MCU: variants seen among roughly 807,000 people sequenced by gnomAD.
MCU encodes the protein mitochondrial calcium uniporter.
MCU carries 12 observed loss-of-function variants against 45.2 expected under a neutral mutation model. The observed-to-expected ratio is 0.27, with a 90% confidence interval of 0.17 to 0.43. The LOEUF is 0.43. Ranked by LOEUF, MCU falls within the 20% of genes least tolerant of loss-of-function variation. The pLI is 1.00. For synonymous variants in MCU, 160 were observed against 165.1 expected, an observed-to-expected ratio of 0.97 and a Z score of 0.24; for missense variants, 324 against 436.7, an observed-to-expected ratio of 0.74 and a Z score of 2.30.
intron 1 of MCU, among the ~76,000 whole-genome samples, chr10:72,697,039 T>G (rs1044469566): frequency 3.3e-5 from 5 of 152,208 alleles, no homozygotes; most frequent in Admixed American, 2.0e-4. Flanking sequence ...TTGAATCAGA[T>G]TCCACATTTG....
At chr10:72,857,826 A>T (rs1479785362) in intron 2 of MCU, among the ~76,000 whole-genome samples, 1 of 152,242 alleles carries the variant, frequency 6.6e-6, no homozygotes, top group African/African-American at 2.4e-5. Flanking sequence ...GGAAATAGGC[A>T]TTCTATGCTA....
chr10:72,874,555 A>G (rs978787565), intron 6 of MCU, among the ~76,000 whole-genome samples: 4 of 152,208 alleles, frequency 2.6e-5, no homozygotes, highest in African/African-American at 9.6e-5. Flanking sequence ...AAATGATAGC[A>G]CAAGAATGTT....
At chr10:72,883,311 A>G (rs1358015784) in intron 6 of MCU, among the ~76,000 whole-genome samples, 1 of 152,212 alleles carries the variant, frequency 6.6e-6, no homozygotes, top group Non-Finnish European at 1.5e-5. Context: ...ATGATTGTAC[A>G]ACTCTGTGAC....
At chr10:72,784,019 C>T (rs1366903082) in intron 1 of MCU, among the ~76,000 whole-genome samples, 7 of 152,156 alleles carry the variant, frequency 4.6e-5, no homozygotes, top group Admixed American at 4.6e-4. Context: ...TTTGGCTGTT[C>T]CACGTAATTA....
chr10:72,860,375 C>A, intron 3 of MCU, 48 bp from the exon 4 acceptor site: 1 of 1,468,014 alleles, frequency 6.8e-7, no homozygotes, highest in Middle Eastern at 1.8e-4. Context: ...CCTGACCATT[C>A]TTGAATAATT....
chr10:72,747,831 A>C (rs1289038313), intron 1 of MCU, among the ~76,000 whole-genome samples: 1 of 152,136 alleles, frequency 6.6e-6, no homozygotes, highest in African/African-American at 2.4e-5. Flanking sequence ...TCTCAGAAAA[A>C]AACAAAACCA....
At chr10:72,701,469 T>C (rs924596986) in intron 1 of MCU, among the ~76,000 whole-genome samples, 4 of 152,160 alleles carry the variant, frequency 2.6e-5, no homozygotes, top group Non-Finnish European at 2.9e-5. Context: ...TAGCATGTTC[T>C]TCCTCAAGTA....
Position 72,788,200 on chromosome 10 carries a change from A to AT in MCU, c.151-46158dup, listed in dbSNP as rs112858075. Among the ~76,000 whole-genome samples, 1,117 of 152,380 alleles carry AT rather than the reference A, an allele frequency of 7.3e-3. 14 individuals carry two copies. The highest frequency in any genetic ancestry group is 0.026 in the African/African-American group (1,073 of 41,590). ...CAATAGGTATAGAGTCCTTATCCAA[A>AT]TAAGTAGCTGCTGACTATGAGTATA... On this transcript the variant is annotated intron_variant, in intron 1 of 7. Transcript: ENST00000373053.
In MCU at chr10:72,867,210, A is replaced by G. The variant is rs534591234; in HGVS notation, c.497-1493A>G. 3.3e-4 allele frequency among the ~76,000 whole-genome samples: 50 copies of G among 152,094 alleles called. No homozygotes were observed. In the South Asian group the frequency reaches 9.6e-3, roughly 29 times the overall value. ...TAAAGAATGTTTGAAATATGTGGTT[A>G]ATTCTGACTGTGGCTTGTTTTGTTT... On this transcript the variant is annotated intron_variant, in intron 4 of 7. Transcript: ENST00000373053.
intron 1 of MCU, among the ~76,000 whole-genome samples, chr10:72,719,422 G>C (rs1272735144): frequency 3.3e-5 from 5 of 152,150 alleles, no homozygotes; most frequent in Non-Finnish European, 7.4e-5. Context: ...GGTCTGTTTT[G>C]ATTCACCAAG....
At chr10:72,697,788 G>T (rs892496487) in intron 1 of MCU, among the ~76,000 whole-genome samples, 14 of 151,890 alleles carry the variant, frequency 9.2e-5, no homozygotes, top group African/African-American at 3.1e-4. Context: ...ATTGTTTTGA[G>T]AGACAGTCTT....
intron 1 of MCU, among the ~76,000 whole-genome samples, chr10:72,703,890 AAACAAC>A (rs143749981): frequency 4.8e-4 from 72 of 150,838 alleles, no homozygotes; most frequent in South Asian, 2.3e-3. Context: ...CTCTGTCTCA[AAACAAC>A]AACAACAACA....
chr10:72,796,007 A>G (rs1844238732), intron 1 of MCU, among the ~76,000 whole-genome samples: 1 of 152,146 alleles, frequency 6.6e-6, no homozygotes, highest in Non-Finnish European at 1.5e-5. Context: ...CAATGAAAAA[A>G]AAAATATGCC....
intron 1 of MCU, among the ~76,000 whole-genome samples, chr10:72,724,869 T>G (rs1041925671): frequency 3.3e-5 from 5 of 152,228 alleles, no homozygotes; most frequent in African/African-American, 1.2e-4. Context: ...CCCAGTTCAT[T>G]GCACAAAATA....
intron 2 of MCU, among the ~76,000 whole-genome samples, chr10:72,846,675 A>T (rs7087593): frequency 0.041 from 6,231 of 152,220 alleles, 416 homozygotes; most frequent in African/African-American, 0.14. Flanking sequence ...AATTAAACTT[A>T]AAAAAATTTT....
At chr10:72,883,687 C>G (rs1170393249) in intron 6 of MCU, among the ~76,000 whole-genome samples, 1 of 152,078 alleles carries the variant, frequency 6.6e-6, no homozygotes, top group Non-Finnish European at 1.5e-5. Context: ...AAAAGCTTAT[C>G]AATAGTAGAA....
At chr10:72,754,520 G>A (rs1843546979) in intron 1 of MCU, among the ~76,000 whole-genome samples, 1 of 152,158 alleles carries the variant, frequency 6.6e-6, no homozygotes, top group African/African-American at 2.4e-5. Flanking sequence ...GGAGGCTAAG[G>A]CAGGGGGATT....
At chr10:72,860,682 C>T (rs781614645) in intron 4 of MCU, among the ~76,000 whole-genome samples, 155 bp downstream of exon 4, 3 of 152,110 alleles carry the variant, frequency 2.0e-5, no homozygotes, top group Admixed American at 6.5e-5. Context: ...TTGAAGAGCT[C>T]ATTGAGTACT....
rs186579341 is a variant in MCU, at chr10:72,828,557, A to G, written c.151-5802A>G. ...AACTGGCTGTGAATATTTGGGGGCT[A>G]TTGACAGGTTATTTAGATTTGACAA... is the stretch of plus-strand genomic sequence containing the variant. On this transcript the variant is annotated intron_variant, in intron 1 of 7. Coordinates refer to ENST00000373053, the MANE Select transcript of MCU (RefSeq NM_138357.3). Among the ~76,000 whole-genome samples the G allele has an allele frequency of 3.2e-3, 488 of 151,658 alleles. 3 individuals are homozygous for G. The highest frequency in any genetic ancestry group is 0.011 in the African/African-American group (458 of 41,324).
Sources: allele counts gnomAD v4.1 joint callset (sites outside exome capture counted in the v4.1 genomes callset), GRCh38; gene constraint gnomAD v4.1.1; transcripts MANE v1.5; gene names NCBI Gene and HGNC (gene_info 2026-07-23, HGNC 2026-07-21).